PLCH2: variants seen among roughly 807,000 people sequenced by gnomAD.
The protein encoded by PLCH2 is 1-phosphatidylinositol 4,5-bisphosphate phosphodiesterase eta-2.
A neutral mutation model predicts 134.7 loss-of-function variants in PLCH2; 98 were observed. That is an observed-to-expected ratio of 0.73 (90% confidence interval 0.62 to 0.86). The LOEUF (loss-of-function observed/expected upper bound fraction) is 0.86. Among genes scored for constraint, PLCH2 ranks in the 40% least tolerant of loss-of-function variants. The probability of loss-of-function intolerance (pLI) is 0.00; values close to 1 mark genes in which losing one functional copy is unlikely to be tolerated. For synonymous variants in PLCH2, 974 were observed against 827.5 expected, an observed-to-expected ratio of 1.18 and a Z score of -3.04; for missense variants, 1,994 against 1,986.6, an observed-to-expected ratio of 1.00 and a Z score of -0.07.
upstream of PLCH2, chr1:2,425,864 AG>A (rs1327478829): frequency 6.6e-6 from 1 of 152,186 alleles, no homozygotes; most frequent in East Asian, 1.9e-4. Context: ...CACGGCCGGC[AG>A]CACCACAGTG....
chr1:2,501,951 C>T, intron 20 of PLCH2, 161 bp from the exon 21 acceptor site: 1 of 599,164 alleles, frequency 1.7e-6, no homozygotes, highest in Admixed American at 3.6e-5. Context: ...CTCCTGAAGG[C>T]CCTGGTGTGT....
At chr1:2,452,042 C>T (rs904346389) in intron 2 of PLCH2, among the ~76,000 whole-genome samples, 11 of 152,202 alleles carry the variant, frequency 7.2e-5, no homozygotes, top group Non-Finnish European at 1.0e-4. Context: ...TCCGTCTGGG[C>T]CCCGAGCTTT....
In PLCH2 at chr1:2,480,358, C is replaced by G. The variant is rs542562910; in HGVS notation, c.645+46C>G. 125 of 1,590,860 alleles carry G rather than the reference C, an allele frequency of 7.9e-5. No individual in the cohort carries two copies. The East Asian group carries it at 2.0e-3, about 26-fold the overall frequency. On this transcript the variant is annotated intron_variant, in intron 4 of 21. Transcript: ENST00000378486. Reference sequence around the variant, plus strand: ...CCTGGGCTCCAGAGCCAGGGCTGCACGGGGGCTGTGCTTGTGTGGCTGGGA... The same window carrying G: ...CCTGGGCTCCAGAGCCAGGGCTGCAGGGGGGCTGTGCTTGTGTGGCTGGGA...
upstream of PLCH2, among the ~76,000 whole-genome samples, chr1:2,424,848 T>A (rs1156773451): frequency 2.6e-5 from 4 of 152,090 alleles, no homozygotes; most frequent in Non-Finnish European, 4.4e-5. Flanking sequence ...TAGCTGGGCA[T>A]GGTGGCGGGC....
chr1:2,462,018 C>T (rs145063823), intron 2 of PLCH2, among the ~76,000 whole-genome samples: 2,172 of 151,196 alleles, frequency 0.014, 19 homozygotes, highest in East Asian at 0.036. Context: ...CTGTGCCACT[C>T]GGCAGCCCCT....
chr1:2,418,470 C>G, the PLCH2 span, among the ~76,000 whole-genome samples: 1 of 152,198 alleles, frequency 6.6e-6, no homozygotes, highest in Non-Finnish European at 1.5e-5. Flanking sequence ...AGGAGGGGCC[C>G]CGGGGCCATG....
chr1:2,431,179 G>A (rs149820002), intron 2 of PLCH2, among the ~76,000 whole-genome samples: 79 of 151,824 alleles, frequency 5.2e-4, no homozygotes, highest in Non-Finnish European at 5.0e-4. Flanking sequence ...GCTATCTGCC[G>A]CTTCTGCTCC....
chr1:2,434,118 G>A (rs771937270), intron 2 of PLCH2, among the ~76,000 whole-genome samples: 2 of 152,236 alleles, frequency 1.3e-5, no homozygotes, highest in South Asian at 2.1e-4. Flanking sequence ...CCTGGGTGGC[G>A]TTTGATGTAT....
rs1273945754 is a variant in PLCH2, at chr1:2,448,307, G to A, written c.115+17678G>A. Among the ~76,000 whole-genome samples the A allele has an allele frequency of 6.6e-6, 1 of 152,162 alleles. No homozygotes were observed. Among genetic ancestry groups the A allele is most frequent in the Non-Finnish European group, 1.5e-5 (1 of 68,020 alleles). ...AGTCTGAGGTCAGGGTGTGGGTGGG[G>A]CCGCGCTCCCTCTGCAGGCTCCCCG... On this transcript the variant is annotated intron_variant, in intron 2 of 3. Coordinates refer to the PLCH2 transcript ENST00000609981. This position sits in a 1 kb window ranked among gnomAD's most constrained non-coding sequence, Gnocchi z 4.0.
chr1:2,498,875 G>A lies in PLCH2; in HGVS notation c.2434+47G>A, dbSNP rs551289153. The A allele has an allele frequency of 2.7e-6, 4 of 1,501,572 alleles. No individual in the cohort carries two copies. In the African/African-American group the frequency reaches 4.1e-5, roughly 16 times the overall value. 93.0% of individuals were successfully genotyped at this position (1,501,572 alleles called of 1,614,324 possible). On this transcript the variant is annotated intron_variant, in intron 18 of 21. Coordinates refer to ENST00000378486, the MANE Select transcript of PLCH2 (RefSeq NM_014638.4). The surrounding 1 kb of genome is among the most constrained non-coding windows in gnomAD (Gnocchi z 5.4). ...GTCACACCTGTGATGGAAGTCTGAG[G>A]GGGGAGGGTTGGGGCTACCTGGTGT...
At chr1:2,452,235 T>G (rs951984070) in intron 2 of PLCH2, among the ~76,000 whole-genome samples, 1 of 152,158 alleles carries the variant, frequency 6.6e-6, no homozygotes, top group Non-Finnish European at 1.5e-5. Flanking sequence ...TGCTGGAGCT[T>G]CAGGGAGCAA....
chr1:2,504,906 T>C lies in PLCH2; in HGVS notation c.3944T>C (p.Ile1315Thr), dbSNP rs377509222. The C allele has an allele frequency of 6.3e-6, 10 of 1,581,978 alleles. No individual in the cohort carries two copies. The African/African-American group carries it at 6.7e-5, about 11-fold the overall frequency. The change falls in exon 22 of 22, where the codon ATC becomes ACC. Residue 1315 changes from isoleucine (I) to threonine (T), a missense_variant. Coordinates refer to ENST00000378486, the MANE Select transcript of PLCH2 (RefSeq NM_014638.4). Reference protein sequence around the residue: ...WLTVFQQAGDITSPTSLGPAG... With the variant: ...WLTVFQQAGDTTSPTSLGPAG... Reference sequence around the variant, plus strand: ...ACTGTCTTCCAGCAGGCAGGAGACATCACGTCACCCACCAGCCTGGGCCCG... The same window carrying C: ...ACTGTCTTCCAGCAGGCAGGAGACACCACGTCACCCACCAGCCTGGGCCCG...
chr1:2,462,070 AC>A (rs903260789), intron 2 of PLCH2, among the ~76,000 whole-genome samples: 17 of 115,512 alleles, frequency 1.5e-4, no homozygotes, highest in Admixed American at 1.0e-3. Flanking sequence ...TCCACCTGAC[AC>A]CACTCCGCTT....
chr1:2,482,615 GGGC>G (rs1341856744), intron 4 of PLCH2, among the ~76,000 whole-genome samples: 13 of 152,212 alleles, frequency 8.5e-5, no homozygotes, highest in African/African-American at 4.8e-5. Context: ...CGTGGGTGTA[GGGC>G]GTGTGGCAGC....
upstream of PLCH2, among the ~76,000 whole-genome samples, chr1:2,423,342 C>G (rs1216388332): frequency 6.6e-6 from 1 of 152,172 alleles, no homozygotes; most frequent in African/African-American, 2.4e-5. Flanking sequence ...CACATCCCCC[C>G]ACACCCAGCT....
chr1:2,484,463 GACC>G lies in PLCH2; in HGVS notation c.666_668del (p.His222del), dbSNP rs1642185001. On this transcript the variant is annotated inframe_deletion, in exon 5 of 22. Coordinates refer to ENST00000378486, the MANE Select transcript of PLCH2 (RefSeq NM_014638.4). ...TGCATTGCAGGAAGCGGACACGGAT[GACC>G]ACCAAGGGACGCTGGGTTTTGAAGA... is the stretch of plus-strand genomic sequence containing the variant. 1.9e-6 allele frequency: 3 copies of G among 1,613,198 alleles called. No individual in the cohort carries two copies. The highest frequency in any genetic ancestry group is 2.5e-6 in the Non-Finnish European group (3 of 1,179,728).
the PLCH2 span, among the ~76,000 whole-genome samples, chr1:2,417,558 C>T: frequency 2.6e-5 from 4 of 152,298 alleles, no homozygotes; most frequent in African/African-American, 4.8e-5. Flanking sequence ...GAGGCCCAAG[C>T]TGGAATGGCG....
chr1:2,490,140 C>T (rs1334153851), intron 10 of PLCH2, among the ~76,000 whole-genome samples: 2 of 151,500 alleles, frequency 1.3e-5, no homozygotes, highest in South Asian at 2.1e-4. Context: ...GTCCTCTTGG[C>T]CCCTCAGTAA....
chr1:2,436,689 T>A (rs1197411762), intron 2 of PLCH2, among the ~76,000 whole-genome samples: 1 of 152,178 alleles, frequency 6.6e-6, no homozygotes, highest in Non-Finnish European at 1.5e-5. Context: ...TGGGTGGCTA[T>A]GCAGGCTGTG....
Sources: allele counts gnomAD v4.1 joint callset (sites outside exome capture counted in the v4.1 genomes callset), GRCh38; gene constraint gnomAD v4.1.1; non-coding constraint Gnocchi (gnomAD v3.1); transcripts MANE v1.5; gene names NCBI Gene and HGNC (gene_info 2026-07-23, HGNC 2026-07-21).